VAV2: variants seen among roughly 807,000 people sequenced by gnomAD.
VAV2 encodes the protein vav guanine nucleotide exchange factor 2, also known as guanine nucleotide exchange factor VAV2.
A neutral mutation model predicts 132.5 loss-of-function variants in VAV2; 67 were observed. The ratio of observed to expected loss-of-function variants is 0.51; its 90% CI spans 0.42 to 0.62. The LOEUF (loss-of-function observed/expected upper bound fraction) is 0.62. Among genes scored for constraint, VAV2 ranks in the 20% least tolerant of loss-of-function variants. The pLI is 0.00. For synonymous variants in VAV2, 492 were observed against 443.5 expected (o/e 1.11, Z -1.37); for missense variants, 938 against 1,153.6 (o/e 0.81, Z 2.71).
chr9:133,943,851 G>A (rs1048608312), intron 1 of VAV2, among the ~76,000 whole-genome samples: 6 of 152,238 alleles, frequency 3.9e-5, no homozygotes, highest in Non-Finnish European at 7.3e-5. Context: ...CCATTCATCG[G>A]CAGCCGCAGA....
rs1179915237 is a variant in VAV2, at chr9:133,991,521, G to C, written c.204+554C>G. Among the ~76,000 whole-genome samples the C allele has an allele frequency of 6.6e-6, 1 of 151,854 alleles. No homozygotes were observed. The highest frequency in any genetic ancestry group is 1.5e-5 in the Non-Finnish European group (1 of 67,904). On this transcript the variant is annotated intron_variant, in intron 1 of 29. Transcript: ENST00000371850. The surrounding 1 kb of genome is among the most constrained non-coding windows in gnomAD (Gnocchi z 4.8). ...CGCCAAGTGGCCCGGGTCCGGGTCC[G>C]GGAAGAGGCGGAGGCCGGCGAGGGG...
chr9:133,829,667 C>T (rs1181682633), intron 4 of VAV2, among the ~76,000 whole-genome samples: 2 of 152,128 alleles, frequency 1.3e-5, no homozygotes, highest in Non-Finnish European at 2.9e-5. Flanking sequence ...TGAGGTCTTG[C>T]TCTGTCGCTC....
In VAV2 at chr9:133,808,365, C is replaced by G. The variant is rs544726882; in HGVS notation, c.666+675G>C. On this transcript the variant is annotated intron_variant, in intron 7 of 29. Transcript: ENST00000371850. ...TCCCGGCTGGAGGCATCACGGCCAC[C>G]CTGGTTGGTTTTTCTCCCCAGTAAA... Among the ~76,000 whole-genome samples the G allele has an allele frequency of 2.8e-3, 424 of 152,336 alleles. 3 individuals carry two copies. The highest frequency in any genetic ancestry group is 8.3e-3 in the Admixed American group (127 of 15,310).
chr9:133,911,150 G>C (rs190272192), intron 2 of VAV2, among the ~76,000 whole-genome samples: 1 of 152,162 alleles, frequency 6.6e-6, no homozygotes, highest in Admixed American at 6.5e-5. Context: ...ATGTATTCAC[G>C]CGTGCACTGG....
At chr9:133,850,039 C>A (rs1837104784) in intron 3 of VAV2, among the ~76,000 whole-genome samples, 2 of 152,224 alleles carry the variant, frequency 1.3e-5, no homozygotes. Context: ...GCCAGGGGAC[C>A]CGGATGCATG....
At chr9:133,947,866 T>TG (rs932285149) in intron 1 of VAV2, among the ~76,000 whole-genome samples, 21 of 150,234 alleles carry the variant, frequency 1.4e-4, no homozygotes, top group African/African-American at 4.4e-4. Flanking sequence ...CTCGGCTCAC[T>TG]GCAACCTTCA....
chr9:133,882,047 G>A (rs1237288914), intron 2 of VAV2, among the ~76,000 whole-genome samples: 1 of 152,220 alleles, frequency 6.6e-6, no homozygotes, highest in Non-Finnish European at 1.5e-5. Flanking sequence ...TCTCCCAAGA[G>A]ATACAGTGCC....
Position 133,897,696 on chromosome 9 carries a change from T to C in VAV2, c.322-36264A>G, listed in dbSNP as rs1011959056. ...TCGTCCATGATTGCTCTTCTATGCC[T>C]CGTTTAGTGAAGGCCAAATATGGAA... On this transcript the variant is annotated intron_variant, in intron 2 of 29. Transcript: ENST00000371850. Among the ~76,000 whole-genome samples, 4 of 152,232 alleles carry C rather than the reference T, an allele frequency of 2.6e-5. 1 individual carries two copies. Among genetic ancestry groups the C allele is most frequent in the Middle Eastern group, 6.8e-3 (2 of 294 alleles).
At position 133,992,303 on chromosome 9, in the gene VAV2, A is replaced by C; in HGVS notation, c.-25T>G. ...TGGCGCCCGCGGGCCCGACCGGCTC[A>C]GGGCAGTGCTCGAGCCAAAGTGCAG... On this transcript the variant is annotated 5_prime_UTR_variant, in exon 1 of 30. Coordinates refer to ENST00000371850, the MANE Select transcript of VAV2 (RefSeq NM_001134398.2). The surrounding 1 kb of genome is among the most constrained non-coding windows in gnomAD (Gnocchi z 5.5). 1 of 1,382,706 alleles carries C rather than the reference A, an allele frequency of 7.2e-7. No individual in the cohort carries two copies. The highest frequency in any genetic ancestry group is 3.0e-5 in the East Asian group (1 of 33,578). The allele number at this position is 1,382,706 out of a possible 1,614,324, so 85.7% of individuals were successfully genotyped here. A position where few individuals can be genotyped will look rare whatever the true frequency, so the allele number is the denominator to read the frequency against.
At chr9:133,966,476 C>T (rs1313094751) in intron 1 of VAV2, among the ~76,000 whole-genome samples, 1 of 152,204 alleles carries the variant, frequency 6.6e-6, no homozygotes, top group East Asian at 1.9e-4. Context: ...GAGGCCGAGG[C>T]GGGAAGATGG....
At chr9:133,913,329 G>A (rs111524149) in intron 2 of VAV2, among the ~76,000 whole-genome samples, 12 of 152,320 alleles carry the variant, frequency 7.9e-5, no homozygotes, top group Middle Eastern at 6.8e-3. Context: ...AAGACAGGAA[G>A]GTGGGAACGA....
chr9:133,790,644 C>T (rs1564349805), intron 13 of VAV2, among the ~76,000 whole-genome samples: 2 of 152,210 alleles, frequency 1.3e-5, no homozygotes, highest in South Asian at 4.1e-4. Context: ...AGGGTGCGGC[C>T]GTCCTTGGCC....
intron 1 of VAV2, among the ~76,000 whole-genome samples, chr9:133,981,540 G>A (rs1042127746): frequency 5.9e-5 from 9 of 152,238 alleles, no homozygotes; most frequent in Non-Finnish European, 1.3e-4. Context: ...CGGGGTGAGG[G>A]TGCCGAGTCC....
At chr9:133,808,933 G>A in intron 7 of VAV2, 107 bp downstream of exon 7, 2 of 1,031,666 alleles carry the variant, frequency 1.9e-6, no homozygotes, top group Non-Finnish European at 1.4e-6. Context: ...TCGCCTGTCA[G>A]AGAGGCCCTA....
chr9:133,915,266 G>A (rs915108181), intron 2 of VAV2, among the ~76,000 whole-genome samples: 21 of 152,086 alleles, frequency 1.4e-4, no homozygotes, highest in Middle Eastern at 3.2e-3. Flanking sequence ...CCACACCACC[G>A]TCCCGCCCTC....
intron 2 of VAV2, among the ~76,000 whole-genome samples, chr9:133,880,262 G>T (rs1358497648): frequency 6.6e-6 from 1 of 152,244 alleles, no homozygotes; most frequent in East Asian, 1.9e-4. Context: ...GAAAGAGCCG[G>T]CAGGCAGCAC....
chr9:133,945,213 T>C (rs1841316173), intron 1 of VAV2, among the ~76,000 whole-genome samples: 1 of 152,254 alleles, frequency 6.6e-6, no homozygotes, highest in Admixed American at 6.5e-5. Flanking sequence ...TATGGGTTTC[T>C]GGGCAGGGAA....
At position 133,918,469 on chromosome 9, in the gene VAV2, T is replaced by TCAGAAACCCAGGCCA. The variant is rs1257566610; in HGVS notation, c.321+20633_321+20634insTGGCCTGGGTTTCTG. Among the ~76,000 whole-genome samples, 2 of 146,366 alleles carry TCAGAAACCCAGGCCA rather than the reference T, an allele frequency of 1.4e-5. No individual in the cohort carries two copies. Among genetic ancestry groups the TCAGAAACCCAGGCCA allele is most frequent in the African/African-American group, 5.4e-5 (2 of 37,332 alleles). Reference sequence around the variant, plus strand: ...GGAAAGGCGGCAGACTCCTTCTCGGTGGCACCCATTGTAAGAGTCAGCCTG... The same window carrying TCAGAAACCCAGGCCA: ...GGAAAGGCGGCAGACTCCTTCTCGGTCAGAAACCCAGGCCAGGCACCCATTGTAAGAGTCAGCCTG... On this transcript the variant is annotated intron_variant, in intron 2 of 29. Coordinates refer to ENST00000371850, the MANE Select transcript of VAV2 (RefSeq NM_001134398.2). This position sits in a 1 kb window ranked among gnomAD's most constrained non-coding sequence, Gnocchi z 4.7.
intron 4 of VAV2, among the ~76,000 whole-genome samples, chr9:133,813,568 G>A (rs736688): frequency 0.015 from 2,347 of 152,352 alleles, 67 homozygotes; most frequent in African/African-American, 0.052. Context: ...CACGGCGTCC[G>A]TCTGTGGGCA....
Sources: allele counts gnomAD v4.1 joint callset (sites outside exome capture counted in the v4.1 genomes callset), GRCh38; gene constraint gnomAD v4.1.1; non-coding constraint Gnocchi (gnomAD v3.1); transcripts MANE v1.5; gene names NCBI Gene and HGNC (gene_info 2026-07-23, HGNC 2026-07-21).